RYR2: variants seen among roughly 807,000 people sequenced by gnomAD.
The protein encoded by RYR2 is ryanodine receptor 2.
Under a neutral mutation model 601.1 loss-of-function variants are expected in RYR2, and 227 were observed. The ratio of observed to expected loss-of-function variants is 0.38; its 90% CI spans 0.34 to 0.42. RYR2 has a LOEUF of 0.42. RYR2 is among the 10% of genes least tolerant of loss of function. The probability of loss-of-function intolerance (pLI) is 1.00; values close to 1 mark genes in which losing one functional copy is unlikely to be tolerated. For synonymous variants in RYR2, 2,223 were observed against 2,175.1 expected, an observed-to-expected ratio of 1.02 and a Z score of -0.61; for missense variants, 4,646 against 6,156.5, an observed-to-expected ratio of 0.75 and a Z score of 8.21.
At position 237,445,438 on chromosome 1, in the gene RYR2, T is replaced by C; in HGVS notation, c.1208T>C (p.Ile403Thr). The part of the protein sequence containing the change: ...MHHEGHMDDG[I>T]SLSRSQHEES... ...CATGAAGGCCACATGGATGATGGCA[T>C]AAGTTTGTCGAGATCCCAGCATGAA... The change falls in exon 14 of 105, where the codon ATA becomes ACA. Residue 403 changes from isoleucine to threonine, a missense_variant. Around this residue, in one of 17 missense-constraint regions of RYR2, gnomAD observed 1,807 missense variants for 2,088.1 expected, o/e 0.87. Transcript: ENST00000366574. The C allele has an allele frequency of 6.2e-7, 1 of 1,613,728 alleles. No homozygotes were observed. Among genetic ancestry groups the C allele is most frequent in the African/African-American group, 1.3e-5 (1 of 75,032 alleles).
chr1:237,702,965 ATAT>A (rs1446048655), intron 66 of RYR2, among the ~76,000 whole-genome samples: 1 of 151,966 alleles, frequency 6.6e-6, no homozygotes, highest in Non-Finnish European at 1.5e-5. Flanking sequence ...CTCAATTTTC[ATAT>A]TATTTTTATG....
chr1:237,605,169 C>T (rs1259738159), intron 35 of RYR2, among the ~76,000 whole-genome samples: 6 of 152,188 alleles, frequency 3.9e-5, no homozygotes, highest in African/African-American at 1.4e-4. Flanking sequence ...TGCAAAAATC[C>T]TCAATAAAAT....
rs1558425858 is a variant in RYR2 at position 237,792,386 on chromosome 1, T to TGTGC, written c.13782+66_13782+67insCGTG. On this transcript the variant is annotated intron_variant, in intron 94 of 104. Coordinates refer to ENST00000366574, the MANE Select transcript of RYR2 (RefSeq NM_001035.3). ...GTGTGTGTGTGTGTGTGTGTGCGTG[T>TGTGC]GTGTGTGTGTGCGTGTGTGTGTGTG... 627 of 816,488 alleles carry TGTGC rather than the reference T, an allele frequency of 7.7e-4. 2 individuals are homozygous for TGTGC. The highest frequency in any genetic ancestry group is 7.1e-3 in the African/African-American group (255 of 36,078). The allele number at this position is 816,488 out of a possible 1,614,324, so 50.6% of individuals were successfully genotyped here. A position where few individuals can be genotyped will look rare whatever the true frequency, so the allele number is the denominator to read the frequency against.
intron 1 of RYR2, among the ~76,000 whole-genome samples, chr1:237,063,599 TACACA>T (rs761818506): frequency 2.6e-3 from 386 of 147,106 alleles, no homozygotes; most frequent in African/African-American, 8.6e-3. Context: ...CACACACACA[TACACA>T]CTCTCTCTCT....
intron 1 of RYR2, among the ~76,000 whole-genome samples, chr1:237,067,772 T>G (rs535729007): frequency 2.0e-5 from 3 of 152,346 alleles, no homozygotes; most frequent in Non-Finnish European, 4.4e-5. Flanking sequence ...GTTTTTGATT[T>G]GGCTTACTGT....
At chr1:237,138,719 G>A (rs1300665061) in intron 1 of RYR2, among the ~76,000 whole-genome samples, 1 of 152,154 alleles carries the variant, frequency 6.6e-6, no homozygotes, top group Non-Finnish European at 1.5e-5. Flanking sequence ...TTGGAATCTG[G>A]AGTCCCCTAG....
At chr1:237,671,872 A>C (rs1684980054) in intron 58 of RYR2, among the ~76,000 whole-genome samples, 1 of 152,130 alleles carries the variant, frequency 6.6e-6, no homozygotes, top group Admixed American at 6.6e-5. Flanking sequence ...TGCCACTTCA[A>C]GTATTTTGTA....
rs147916347 is a variant in RYR2, at chr1:237,088,177, G to GGCTA, written c.48+45611_48+45614dup. Reference sequence around the variant, plus strand: ...TTTTTTCCAATCCCAAGTGGCTTGGGGCTAGCCAGCTGTAAAGGCGTGTAA... The same window carrying GGCTA: ...TTTTTTCCAATCCCAAGTGGCTTGGGGCTAGCTAGCCAGCTGTAAAGGCGTGTAA... On this transcript the variant is annotated intron_variant, in intron 1 of 104. Coordinates refer to ENST00000366574, the MANE Select transcript of RYR2 (RefSeq NM_001035.3). 4.1e-3 allele frequency among the ~76,000 whole-genome samples: 625 copies of GGCTA among 152,148 alleles called. 2 individuals are homozygous for GGCTA. The highest frequency in any genetic ancestry group is 0.017 in the Middle Eastern group (5 of 294).
In RYR2 at chr1:237,428,236, C is replaced by T. The variant is rs1011018038; in HGVS notation, c.1005+4988C>T. Among the ~76,000 whole-genome samples, 13 of 152,256 alleles carry T rather than the reference C, an allele frequency of 8.5e-5. No homozygotes were observed. In the East Asian group the frequency reaches 1.4e-3, roughly 16 times the overall value. ...GAACCAGAAATACAATTTGACCCAG[C>T]GATCCCATTACTGGGTATATACCCA... On this transcript the variant is annotated intron_variant, in intron 12 of 104. Coordinates refer to ENST00000366574, the MANE Select transcript of RYR2 (RefSeq NM_001035.3).
At chr1:237,490,327 G>A (rs1427174938) in intron 17 of RYR2, among the ~76,000 whole-genome samples, 2 of 152,082 alleles carry the variant, frequency 1.3e-5, no homozygotes, top group Admixed American at 6.5e-5. Context: ...CCCTTGAATC[G>A]AAAATAAAAG....
At chr1:237,790,674 G>A (rs1658269970) in intron 92 of RYR2, among the ~76,000 whole-genome samples, 2 of 152,092 alleles carry the variant, frequency 1.3e-5, no homozygotes, top group Non-Finnish European at 2.9e-5. Context: ...ACACTTAAGA[G>A]TTAAGGTCTT....
chr1:237,432,135 T>C (rs1706877242), intron 12 of RYR2, among the ~76,000 whole-genome samples: 1 of 151,858 alleles, frequency 6.6e-6, no homozygotes, highest in South Asian at 2.1e-4. Context: ...CGCATGTGGC[T>C]TTTACAAGCA....
chr1:237,495,013 A>T (rs375972600), intron 19 of RYR2, among the ~76,000 whole-genome samples: 4 of 151,564 alleles, frequency 2.6e-5, no homozygotes, highest in South Asian at 2.1e-4. Flanking sequence ...CTGGTCTCGA[A>T]CTCCTGACCT....
At chr1:237,740,171 A>T (rs1044949275) in intron 79 of RYR2, among the ~76,000 whole-genome samples, 2 of 152,206 alleles carry the variant, frequency 1.3e-5, no homozygotes, top group African/African-American at 4.8e-5. Flanking sequence ...ATTGAAGAAC[A>T]TATCTTTTGT....
chr1:237,362,681 T>C (rs1428443238), intron 4 of RYR2, among the ~76,000 whole-genome samples: 2 of 152,186 alleles, frequency 1.3e-5, no homozygotes, highest in African/African-American at 4.8e-5. Flanking sequence ...TGGTAATATC[T>C]AGCACTTAAA....
intron 1 of RYR2, among the ~76,000 whole-genome samples, chr1:237,107,437 C>G (rs1010931171): frequency 7.6e-6 from 1 of 131,170 alleles, no homozygotes; most frequent in African/African-American, 2.8e-5. Context: ...AGGAGAATGG[C>G]GTGAACCCAG....
intron 35 of RYR2, among the ~76,000 whole-genome samples, chr1:237,604,238 C>A (rs1231387168): frequency 6.6e-6 from 1 of 152,174 alleles, no homozygotes; most frequent in Non-Finnish European, 1.5e-5. Flanking sequence ...GACCACAGTG[C>A]AATCAAACTA....
intron 97 of RYR2, among the ~76,000 whole-genome samples, chr1:237,799,144 T>C (rs973956597): frequency 1.3e-5 from 2 of 152,162 alleles, no homozygotes; most frequent in African/African-American, 4.8e-5. Context: ...ACAACTTGGA[T>C]CAGCAAATAT....
Position 237,801,851 on chromosome 1 carries a change from T to G in RYR2, c.14091-5T>G, listed in dbSNP as rs1048452537. 3 of 1,580,174 alleles carry G rather than the reference T, an allele frequency of 1.9e-6. No individual in the cohort carries two copies. The highest frequency in any genetic ancestry group is 1.1e-5 in the South Asian group (1 of 88,714). Reference sequence around the variant, plus strand: ...ACTACGCATTTTTTTTTTTTGTCATTGCAGACTGAACTCCATTGATGTGAA... The same window carrying G: ...ACTACGCATTTTTTTTTTTTGTCATGGCAGACTGAACTCCATTGATGTGAA... On this transcript the variant is annotated splice_polypyrimidine_tract_variant and splice_region_variant and intron_variant, in intron 97 of 104. Transcript: ENST00000366574.
Sources: allele counts gnomAD v4.1 joint callset (sites outside exome capture counted in the v4.1 genomes callset), GRCh38; gene constraint gnomAD v4.1.1; regional missense constraint gnomAD v4.1.1; transcripts MANE v1.5; gene names NCBI Gene and HGNC (gene_info 2026-07-23, HGNC 2026-07-21).